Variants in GRM1 observed in about 807,000 individuals in gnomAD.
GRM1 encodes glutamate metabotropic receptor 1.
GRM1 carries 33 observed loss-of-function variants against 90.9 expected under a neutral mutation model. The ratio of observed to expected loss-of-function variants is 0.36; its 90% CI spans 0.28 to 0.49. The LOEUF (loss-of-function observed/expected upper bound fraction) is 0.49. GRM1 is among the 20% of genes least tolerant of loss of function. The probability of loss-of-function intolerance (pLI) is 0.99; values close to 1 mark genes in which losing one functional copy is unlikely to be tolerated. For missense variants in GRM1, 1,190 were observed against 1,534.3 expected, an observed-to-expected ratio of 0.78 and a Z score of 3.75; for synonymous variants, 700 against 613.2, an observed-to-expected ratio of 1.14 and a Z score of -2.09.
intron 1 of GRM1, among the ~76,000 whole-genome samples, chr6:146,036,433 C>T (rs9390370): frequency 0.27 from 40,551 of 151,814 alleles, 5,904 homozygotes; most frequent in Middle Eastern, 0.38. Flanking sequence ...CTGTCTTATG[C>T]AACAGAGAGT....
chr6:146,314,396 A>G (rs945028718), intron 3 of GRM1, among the ~76,000 whole-genome samples: 1 of 152,170 alleles, frequency 6.6e-6, no homozygotes, highest in Admixed American at 6.6e-5. Flanking sequence ...TTATTTGTGT[A>G]TCATAATGTG....
intron 2 of GRM1, among the ~76,000 whole-genome samples, chr6:146,213,728 A>G (rs553121570): frequency 3.1e-4 from 47 of 152,230 alleles, no homozygotes; most frequent in Non-Finnish European, 5.6e-4. Flanking sequence ...AGATAGATAG[A>G]TAGATAGATG....
intron 3 of GRM1, among the ~76,000 whole-genome samples, chr6:146,313,001 A>G (rs1389124236): frequency 2.6e-5 from 4 of 152,234 alleles, no homozygotes; most frequent in Non-Finnish European, 5.9e-5. Flanking sequence ...TCCAAAAATT[A>G]TAAAGATTGA....
At chr6:146,247,804 G>GTGTGTA (rs1051603879) in intron 2 of GRM1, among the ~76,000 whole-genome samples, 3 of 118,878 alleles carry the variant, frequency 2.5e-5, no homozygotes, top group Admixed American at 2.5e-4. Flanking sequence ...GTGTGTGTGT[G>GTGTGTA]TATATATATA....
intron 5 of GRM1, among the ~76,000 whole-genome samples, chr6:146,383,010 T>G (rs1358952287): frequency 6.6e-6 from 1 of 152,096 alleles, no homozygotes; most frequent in Non-Finnish European, 1.5e-5. Context: ...GGAGCATAAT[T>G]TCAGTGTAAA....
chr6:146,129,200 A>C (rs1776301064), intron 1 of GRM1, among the ~76,000 whole-genome samples: 1 of 152,234 alleles, frequency 6.6e-6, no homozygotes, highest in Non-Finnish European at 1.5e-5. Flanking sequence ...TATTTAACCA[A>C]ATAGCAATAT....
At chr6:146,221,678 T>C (rs1274008216) in intron 2 of GRM1, among the ~76,000 whole-genome samples, 1 of 152,116 alleles carries the variant, frequency 6.6e-6, no homozygotes, top group Non-Finnish European at 1.5e-5. Flanking sequence ...GCTTTTATGG[T>C]AGAATGATTT....
chr6:146,088,041 C>A (rs1776602289), intron 1 of GRM1, among the ~76,000 whole-genome samples: 1 of 152,138 alleles, frequency 6.6e-6, no homozygotes, highest in African/African-American at 2.4e-5. Context: ...GTAGCTGTAT[C>A]ATTTTACATT....
chr6:146,220,753 A>G (rs1264589000), intron 2 of GRM1, among the ~76,000 whole-genome samples: 1 of 152,050 alleles, frequency 6.6e-6, no homozygotes, highest in African/African-American at 2.4e-5. Context: ...AGTAAAGGGG[A>G]AGGACAAGGA....
chr6:146,166,906 T>C (rs1038991529), intron 2 of GRM1, among the ~76,000 whole-genome samples: 39 of 152,134 alleles, frequency 2.6e-4, no homozygotes, highest in Admixed American at 2.1e-3. Context: ...GACTTAGTAA[T>C]TTATATGTGC....
chr6:146,029,808 C>G lies in GRM1; in HGVS notation c.291C>G (p.Pro97=). Residue 97 remains proline (P), a synonymous_variant, in exon 1 of 8, where the codon CCC becomes CCG. Transcript: ENST00000282753. ...TCAACGCGGACCCGGTCCTCCTGCC[C>G]AACATCACCCTGGGCAGTGAGATCC... ...DKINADPVLL[P]NITLGSEIRD... 6.2e-7 allele frequency: 1 copy of G among 1,614,094 alleles called. No homozygotes were observed.
chr6:146,195,389 C>T (rs1779080577), intron 2 of GRM1, among the ~76,000 whole-genome samples: 1 of 152,212 alleles, frequency 6.6e-6, no homozygotes, highest in Admixed American at 6.5e-5. Context: ...CCTATCTCTT[C>T]ACCTCCTCAG....
At chr6:146,105,499 CTT>C (rs1230692160) in intron 1 of GRM1, among the ~76,000 whole-genome samples, 2 of 150,018 alleles carry the variant, frequency 1.3e-5, no homozygotes, top group Non-Finnish European at 3.0e-5. Context: ...TTTGAATAAA[CTT>C]TGTTCATATT....
intron 2 of GRM1, among the ~76,000 whole-genome samples, chr6:146,185,908 G>A (rs1256944168): frequency 6.6e-6 from 1 of 151,774 alleles, no homozygotes; most frequent in Non-Finnish European, 1.5e-5. Context: ...ATCTCACGAT[G>A]AGATACCTTA....
rs141129905 is a variant in GRM1 at position 146,209,150 on chromosome 6, G to T, written c.950+49553G>T. ...AGAGTATGAAGCTAAAGGTTGGCATGACCAGGACTGAAATCTAAATCCTTT... is the reference window on the plus strand; with the variant it reads ...AGAGTATGAAGCTAAAGGTTGGCATTACCAGGACTGAAATCTAAATCCTTT... On this transcript the variant is annotated intron_variant, in intron 2 of 7. Transcript: ENST00000282753. Among the ~76,000 whole-genome samples, 3 of 152,226 alleles carry T rather than the reference G, an allele frequency of 2.0e-5. No individual in the cohort carries two copies. The East Asian group carries it at 5.8e-4, about 29-fold the overall frequency.
chr6:146,434,539 G>A lies in GRM1; in HGVS notation c.3328G>A (p.Val1110Met), dbSNP rs373321710. ...GAGGTTTAAGCTCCTCCAGGAGTAC[G>A]TGTATGAGCACGAGCGGGAAGGGAA... Reference protein sequence around the residue: ...SERFKLLQEYVYEHEREGNTE... With the variant: ...SERFKLLQEYMYEHEREGNTE... The change falls in exon 8 of 8, where the codon GTG becomes ATG. Residue 1110 changes from valine to methionine, a missense_variant. Transcript: ENST00000282753. The A allele has an allele frequency of 1.5e-5, 25 of 1,614,012 alleles. No homozygotes were observed. In the African/African-American group the frequency reaches 2.4e-4, roughly 16 times the overall value.
chr6:146,035,490 A>G (rs75224877), intron 1 of GRM1, among the ~76,000 whole-genome samples: 12,916 of 152,026 alleles, frequency 0.085, 768 homozygotes, highest in East Asian at 0.16. Context: ...TTGATTCTCT[A>G]GCTGTCTACT....
chr6:146,254,300 A>G (rs1394101328), intron 2 of GRM1, among the ~76,000 whole-genome samples: 3 of 152,098 alleles, frequency 2.0e-5, no homozygotes, highest in Admixed American at 1.3e-4. Flanking sequence ...GAGAGTATCA[A>G]ATTGGCAGAT....
chr6:146,400,924 A>G (rs557596527), intron 7 of GRM1, among the ~76,000 whole-genome samples: 2 of 152,160 alleles, frequency 1.3e-5, no homozygotes, highest in African/African-American at 4.8e-5. Context: ...TTTATTTATT[A>G]TTATTATTTT....
Sources: gnomAD v4.1 joint callset for allele counts (sites outside exome capture counted in the v4.1 genomes callset) on GRCh38, gnomAD v4.1.1 for gene constraint, MANE v1.5 for transcripts, NCBI Gene and HGNC (gene_info 2026-07-23, HGNC 2026-07-21) for gene names.